Variants in SUSD1 observed in about 807,000 individuals in gnomAD.
SUSD1 encodes the protein sushi domain containing 1, also known as sushi domain-containing protein 1.
In SUSD1, 65 loss-of-function variants were observed where a neutral mutation model predicts 86.9. The observed-to-expected ratio is 0.75, with a 90% confidence interval of 0.61 to 0.92. SUSD1 has a LOEUF of 0.92. SUSD1 is among the 40% of genes least tolerant of loss of function. SUSD1 has a pLI of 0.00. For synonymous variants in SUSD1, 346 were observed against 350.0 expected (o/e 0.99, Z 0.13); for missense variants, 850 against 929.7 (o/e 0.91, Z 1.11).
intron 8 of SUSD1, among the ~76,000 whole-genome samples, chr9:112,106,087 T>C (rs1399074348): frequency 1.3e-5 from 2 of 152,132 alleles, no homozygotes; most frequent in Non-Finnish European, 2.9e-5. Flanking sequence ...CCTCCCATGT[T>C]CAAGCAATTC....
chr9:112,087,100 T>C (rs1313561881), intron 10 of SUSD1, among the ~76,000 whole-genome samples: 2 of 152,040 alleles, frequency 1.3e-5, no homozygotes, highest in African/African-American at 2.4e-5. Context: ...TCCTATACAT[T>C]AATAAACTGA....
chr9:112,173,568 G>T (rs7047547), intron 1 of SUSD1: 166,787 of 362,796 alleles, frequency 0.46, 39,752 homozygotes, highest in African/African-American at 0.59. Context: ...GGGAGTCTGA[G>T]CTGGAACTGA....
intron 10 of SUSD1, among the ~76,000 whole-genome samples, chr9:112,087,439 C>A (rs1830032514): frequency 6.6e-6 from 1 of 152,172 alleles, no homozygotes; most frequent in Non-Finnish European, 1.5e-5. Flanking sequence ...CCTCGGCCTC[C>A]CAAAGTGCTG....
chr9:112,167,592 T>C (rs1284690982), intron 1 of SUSD1, among the ~76,000 whole-genome samples: 2 of 152,230 alleles, frequency 1.3e-5, no homozygotes, highest in African/African-American at 2.4e-5. Flanking sequence ...GTATTTGGCA[T>C]GGTGGTTACA....
chr9:112,118,132 C>T (rs1346131414), intron 6 of SUSD1, among the ~76,000 whole-genome samples: 2 of 152,156 alleles, frequency 1.3e-5, no homozygotes, highest in Admixed American at 1.3e-4. Context: ...ATCCAGGTGA[C>T]CCAAACAGAT....
chr9:112,059,323 G>A (rs544920547), intron 13 of SUSD1, among the ~76,000 whole-genome samples: 8 of 152,328 alleles, frequency 5.3e-5, no homozygotes, highest in African/African-American at 1.9e-4. Context: ...ACTGCCCTGT[G>A]TGTGTGTCAT....
At position 112,142,462 on chromosome 9, in the gene SUSD1, G is replaced by A. The variant is rs1259276752; in HGVS notation, c.564C>T (p.Gly188=). Residue 188 remains glycine (G), a synonymous_variant, in exon 5 of 17, where the codon GGC becomes GGT. Coordinates refer to ENST00000374270, the MANE Select transcript of SUSD1 (RefSeq NM_022486.5). ...DCGTPPEVPD[G]YIIGNYTSSL... is the part of the protein sequence containing the mutation. ...TAGACGTATAATTTCCTATGATATA[G>A]CCATCTGGAACCTCAGGAGGGGTAC... 1 of 1,613,546 alleles carries A rather than the reference G, an allele frequency of 6.2e-7. No homozygotes were observed. Among genetic ancestry groups the A allele is most frequent in the African/African-American group, 1.3e-5 (1 of 74,852 alleles).
intron 1 of SUSD1, among the ~76,000 whole-genome samples, chr9:112,171,623 G>A (rs1013158778): frequency 3.9e-5 from 6 of 152,102 alleles, no homozygotes; most frequent in Admixed American, 1.3e-4. Flanking sequence ...TAAGTAGCCC[G>A]CCATGGGAGA....
chr9:112,154,332 AC>A (rs1193116764), intron 2 of SUSD1, among the ~76,000 whole-genome samples: 66 of 115,158 alleles, frequency 5.7e-4, no homozygotes, highest in South Asian at 5.5e-3. Context: ...CCACACACAC[AC>A]ACAAAAAAAA....
chr9:112,041,798 G>T, intron 16 of SUSD1, 69 bp downstream of exon 16: 2 of 1,480,188 alleles, frequency 1.4e-6, no homozygotes, highest in Non-Finnish European at 9.3e-7. Flanking sequence ...ATCCCCAGCT[G>T]TTCTTCGTGA....
chr9:112,137,242 C>T (rs1223363845), intron 5 of SUSD1, among the ~76,000 whole-genome samples: 4 of 151,810 alleles, frequency 2.6e-5, no homozygotes, highest in Non-Finnish European at 4.4e-5. Flanking sequence ...AGTGAGAAAC[C>T]GAGGCCATGT....
intron 1 of SUSD1, among the ~76,000 whole-genome samples, chr9:112,161,594 G>A (rs1833572495): frequency 6.6e-6 from 1 of 151,062 alleles, no homozygotes; most frequent in East Asian, 2.0e-4. Flanking sequence ...AGGTCAAGGT[G>A]GGCAGATCAC....
At chr9:112,170,708 T>TAGAGAGAGAG (rs374990062) in intron 1 of SUSD1, among the ~76,000 whole-genome samples, 4 of 95,448 alleles carry the variant, frequency 4.2e-5, no homozygotes, top group African/African-American at 1.9e-4. Context: ...TATATATATA[T>TAGAGAGAGAG]ATAGAGAGAG....
At chr9:112,096,556 A>G (rs1830402378) in intron 10 of SUSD1, among the ~76,000 whole-genome samples, 1 of 152,108 alleles carries the variant, frequency 6.6e-6, no homozygotes, top group African/African-American at 2.4e-5. Context: ...TTATTTCTTT[A>G]TCTGAGGAGA....
At chr9:112,158,906 G>C (rs1022584754) in intron 1 of SUSD1, among the ~76,000 whole-genome samples, 1 of 151,986 alleles carries the variant, frequency 6.6e-6, no homozygotes, top group Non-Finnish European at 1.5e-5. Context: ...TATTTTTATT[G>C]ACTGCCTGGA....
At chr9:112,042,053 C>A in intron 15 of SUSD1, 93 bp from the exon 16 acceptor site, 1 of 1,559,502 alleles carries the variant, frequency 6.4e-7, no homozygotes, top group South Asian at 1.2e-5. Context: ...CATTTTAACC[C>A]AGAGCTTGGC....
At chr9:112,123,763 G>A (rs1416257990) in intron 6 of SUSD1, among the ~76,000 whole-genome samples, 2 of 152,054 alleles carry the variant, frequency 1.3e-5, no homozygotes, top group African/African-American at 4.8e-5. Context: ...AGCTGAGATC[G>A]TGCCAGTGCA....
chr9:112,158,425 C>G (rs557900790), intron 1 of SUSD1, among the ~76,000 whole-genome samples: 1 of 152,162 alleles, frequency 6.6e-6, no homozygotes, highest in South Asian at 2.1e-4. Flanking sequence ...GAGTCTGACT[C>G]TGTTGCCCAG....
rs561752276 is a variant in SUSD1 at position 112,066,791 on chromosome 9, C to T, written c.1754-3758G>A. ...CTCCAAATCCCCACTGGCCCAGGGC[C>T]CAGTGATTATGGATTGCCATTCCCC... On this transcript the variant is annotated intron_variant, in intron 12 of 16. Transcript: ENST00000374270. Among the ~76,000 whole-genome samples, 59 of 152,262 alleles carry T rather than the reference C, an allele frequency of 3.9e-4. 1 individual carries two copies. The South Asian group carries it at 0.012, about 30-fold the overall frequency.
Sources: allele counts gnomAD v4.1 joint callset (sites outside exome capture counted in the v4.1 genomes callset), GRCh38; gene constraint gnomAD v4.1.1; transcripts MANE v1.5; gene names NCBI Gene and HGNC (gene_info 2026-07-23, HGNC 2026-07-21).